UBR1: variants seen among roughly 807,000 people sequenced by gnomAD.
UBR1 encodes ubiquitin protein ligase E3 component n-recognin 1, also known as E3 ubiquitin-protein ligase UBR1.
UBR1 carries 102 observed loss-of-function variants against 242.1 expected under a neutral mutation model. The ratio of observed to expected loss-of-function variants is 0.42; its 90% confidence interval spans 0.36 to 0.50. The LOEUF is 0.50. Among genes scored for constraint, UBR1 ranks in the 20% least tolerant of loss-of-function variants. The pLI is 0.01. For missense variants in UBR1, 1,772 were observed against 2,101.8 expected (o/e 0.84, Z 3.07); for synonymous variants, 675 against 684.8 (o/e 0.99, Z 0.22).
chr15:42,978,771 C>T (rs1185612378), intron 37 of UBR1, among the ~76,000 whole-genome samples: 2 of 150,490 alleles, frequency 1.3e-5, no homozygotes, highest in African/African-American at 2.4e-5. Flanking sequence ...CTCTCTCATC[C>T]AGGCAGGAGT....
intron 41 of UBR1, 119 bp from the exon 42 acceptor site, chr15:42,964,162 C>T (rs2032068086): frequency 3.9e-6 from 3 of 770,276 alleles, no homozygotes; most frequent in South Asian, 2.9e-5. Context: ...GGGTATATTG[C>T]TTATTCTATA....
intron 15 of UBR1, among the ~76,000 whole-genome samples, chr15:43,038,853 T>G (rs1327572172): frequency 3.5e-4 from 53 of 152,224 alleles, no homozygotes; most frequent in Admixed American, 3.3e-3. Flanking sequence ...ATTTTTATTT[T>G]CATTAAAAAG....
chr15:43,014,146 G>T (rs1330185105), intron 29 of UBR1, among the ~76,000 whole-genome samples: 1 of 152,270 alleles, frequency 6.6e-6, no homozygotes, highest in African/African-American at 2.4e-5. Context: ...GGCCTCCCGA[G>T]GTGCCGGGAT....
chr15:42,950,172 G>A (rs1310228742), intron 46 of UBR1, 90 bp downstream of exon 46: 24 of 1,202,866 alleles, frequency 2.0e-5, no homozygotes, highest in African/African-American at 6.0e-5. Context: ...AACTATTACC[G>A]TTTACATACA....
At chr15:42,951,758 G>A (rs2031837817) in intron 45 of UBR1, among the ~76,000 whole-genome samples, 1 of 151,990 alleles carries the variant, frequency 6.6e-6, no homozygotes, top group Non-Finnish European at 1.5e-5. Flanking sequence ...AGCTGGGACT[G>A]CAGCCATGTG....
At chr15:42,963,886 A>T in intron 42 of UBR1, 49 bp downstream of exon 42, 1 of 1,442,762 alleles carries the variant, frequency 6.9e-7, no homozygotes. Flanking sequence ...TAATTTTAAA[A>T]TTTCAAATTG....
intron 46 of UBR1, among the ~76,000 whole-genome samples, chr15:42,946,526 C>T (rs1242969750): frequency 6.6e-6 from 1 of 152,204 alleles, no homozygotes; most frequent in African/African-American, 2.4e-5. Flanking sequence ...CACCACTCTG[C>T]TTTTCTCCCT....
intron 11 of UBR1, among the ~76,000 whole-genome samples, chr15:43,055,884 C>T (rs2033612193): frequency 6.6e-6 from 1 of 152,154 alleles, no homozygotes; most frequent in African/African-American, 2.4e-5. Context: ...CATTGCACTC[C>T]AGCCAGGGCA....
intron 46 of UBR1, among the ~76,000 whole-genome samples, chr15:42,948,290 T>C (rs2031770680): frequency 6.6e-6 from 1 of 152,020 alleles, no homozygotes; most frequent in Admixed American, 6.6e-5. Context: ...TCAAGATGGA[T>C]TAAAGACTTA....
At chr15:43,021,818 A>C in intron 26 of UBR1, among the ~76,000 whole-genome samples, 1 of 152,248 alleles carries the variant, frequency 6.6e-6, no homozygotes, top group East Asian at 1.9e-4. Context: ...ATTTACATTG[A>C]TAACCAAGGT....
chr15:43,004,237 ACT>A (rs914575537), intron 30 of UBR1, among the ~76,000 whole-genome samples: 1 of 152,210 alleles, frequency 6.6e-6, no homozygotes, highest in Non-Finnish European at 1.5e-5. Context: ...AAGATAATTT[ACT>A]TTTTTAATTT....
At chr15:42,983,391 C>T (rs2032408099) in intron 37 of UBR1, among the ~76,000 whole-genome samples, 2 of 151,976 alleles carry the variant, frequency 1.3e-5, no homozygotes, top group South Asian at 4.2e-4. Flanking sequence ...GGAGTGGTGG[C>T]TCACACCTGT....
intron 29 of UBR1, among the ~76,000 whole-genome samples, chr15:43,009,433 G>A (rs2032884531): frequency 6.6e-6 from 1 of 152,208 alleles, no homozygotes. Context: ...TGCACCCCTG[G>A]TCACTCCACA....
chr15:43,003,358 C>T (rs746843178), intron 31 of UBR1: 5 of 188,822 alleles, frequency 2.6e-5, no homozygotes, highest in Admixed American at 5.4e-5. Flanking sequence ...TGGGTTCAAG[C>T]GATTCTCCTG....
Position 42,984,884 on chromosome 15 carries a change from T to C in UBR1, c.4053+3A>G. On this transcript the variant is annotated splice_donor_region_variant and intron_variant, in intron 36 of 46. Coordinates refer to ENST00000290650, the MANE Select transcript of UBR1 (RefSeq NM_174916.3). ...TACATGTACCTTGTTGGAATATACA[T>C]ACCTGCCTATTTTGAAGTGCTCCAA... 1 of 1,610,796 alleles carries C rather than the reference T, an allele frequency of 6.2e-7. No individual in the cohort carries two copies. Among genetic ancestry groups the C allele is most frequent in the Non-Finnish European group, 8.5e-7 (1 of 1,177,386 alleles).
chr15:43,021,041 A>T, intron 27 of UBR1: 1 of 422,540 alleles, frequency 2.4e-6, no homozygotes, highest in Non-Finnish European at 4.4e-6. Context: ...AGCATGGCAC[A>T]TGGTAGGTTT....
At chr15:42,988,708 C>T in intron 35 of UBR1, 111 bp downstream of exon 35, 1 of 1,421,984 alleles carries the variant, frequency 7.0e-7, no homozygotes, top group East Asian at 2.3e-5. Context: ...ACTAATAGTC[C>T]TCATACAAGT....
Position 43,086,045 on chromosome 15 carries a change from T to C in UBR1, c.277A>G (p.Ser93Gly), listed in dbSNP as rs754633169. 2 of 1,614,130 alleles carry C rather than the reference T, an allele frequency of 1.2e-6. No homozygotes were observed. Among genetic ancestry groups the C allele is most frequent in the South Asian group, 1.1e-5 (1 of 91,078 alleles). ...CTCCCACAAAGCTGAAATGCTCCAC[T>C]GTGCTTCAATTTCTCTAAGCAAATA... ...PDICLEKLKHSGAFQLCGRVF... is the reference protein window; with the variant it reads ...PDICLEKLKHGGAFQLCGRVF... The change falls in exon 2 of 47, where the codon AGT (serine) becomes GGT (glycine). Residue 93 changes from serine to glycine, a missense_variant. This residue lies in a region of UBR1 where 734 missense variants were observed against 893.3 expected (regional missense o/e 0.82). Coordinates refer to ENST00000290650, the MANE Select transcript of UBR1 (RefSeq NM_174916.3).
intron 27 of UBR1, among the ~76,000 whole-genome samples, chr15:43,019,548 A>G (rs935921115): frequency 1.3e-5 from 2 of 151,646 alleles, no homozygotes; most frequent in African/African-American, 2.4e-5. Context: ...AATGAATGCA[A>G]TGAGTGCAGA....
Sources: allele counts gnomAD v4.1 joint callset (sites outside exome capture counted in the v4.1 genomes callset), GRCh38; gene constraint gnomAD v4.1.1; regional missense constraint gnomAD v4.1.1; transcripts MANE v1.5; gene names NCBI Gene and HGNC (gene_info 2026-07-23, HGNC 2026-07-21).